The following DENND1A variants were observed in gnomAD, a reference collection of about 807,000 sequenced individuals.
DENND1A encodes DENN domain-containing protein 1A.
Under a neutral mutation model 113.7 loss-of-function variants are expected in DENND1A, and 51 were observed. The observed-to-expected ratio is 0.45, with a 90% CI of 0.36 to 0.57. The LOEUF is 0.57. Ranked by LOEUF, DENND1A falls within the 20% of genes least tolerant of loss-of-function variation. The probability of loss-of-function intolerance (pLI) is 0.00; values close to 1 mark genes in which losing one functional copy is unlikely to be tolerated. For missense variants in DENND1A, 1,258 were observed against 1,395.9 expected (o/e 0.90, Z 1.57); for synonymous variants, 565 against 570.8 (o/e 0.99, Z 0.14).
intron 2 of DENND1A, among the ~76,000 whole-genome samples, chr9:123,819,399 C>G (rs879728542): frequency 4.6e-5 from 7 of 152,224 alleles, no homozygotes; most frequent in Non-Finnish European, 8.8e-5. Flanking sequence ...TGTGATAGCC[C>G]TTGCCACTGA....
rs140577609 is a variant in DENND1A at position 123,639,735 on chromosome 9, C to T, written c.619-9259G>A. 1.3e-3 allele frequency among the ~76,000 whole-genome samples: 201 copies of T among 150,600 alleles called. 1 individual carries two copies. Among genetic ancestry groups the T allele is most frequent in the African/African-American group, 4.7e-3 (192 of 41,086 alleles). On this transcript the variant is annotated intron_variant, in intron 9 of 23. Coordinates refer to ENST00000394215, the MANE Select transcript of DENND1A (RefSeq NM_001352964.2). ...GAGGTTGTGGTGAGCCAAGATCTCGCCACTGCACTCTAGCCTGGGCAACAA... is the reference window on the plus strand; with the variant it reads ...GAGGTTGTGGTGAGCCAAGATCTCGTCACTGCACTCTAGCCTGGGCAACAA...
intron 5 of DENND1A, among the ~76,000 whole-genome samples, chr9:123,686,194 T>C (rs1302830330): frequency 1.3e-5 from 2 of 152,196 alleles, no homozygotes; most frequent in African/African-American, 2.4e-5. Flanking sequence ...AATATTACTC[T>C]TCATAACTCT....
intron 2 of DENND1A, among the ~76,000 whole-genome samples, chr9:123,876,397 T>A (rs1034324325): frequency 6.6e-6 from 1 of 152,200 alleles, no homozygotes; most frequent in African/African-American, 2.4e-5. Flanking sequence ...ATATCAATAT[T>A]AAATTTTCTG....
intron 21 of DENND1A, among the ~76,000 whole-genome samples, chr9:123,395,021 G>A (rs1355931523): frequency 2.6e-5 from 4 of 152,206 alleles, no homozygotes; most frequent in Non-Finnish European, 4.4e-5. Context: ...CCCAGGCTGC[G>A]AAGATTTTTT....
At chr9:123,901,305 G>T (rs1406907651) in intron 1 of DENND1A, among the ~76,000 whole-genome samples, 1 of 152,182 alleles carries the variant, frequency 6.6e-6, no homozygotes, top group African/African-American at 2.4e-5. Flanking sequence ...ATGAGTGCAT[G>T]AAGCAACAAG....
intron 2 of DENND1A, among the ~76,000 whole-genome samples, chr9:123,819,509 T>C (rs1035816865): frequency 2.6e-5 from 4 of 152,170 alleles, no homozygotes; most frequent in African/African-American, 4.8e-5. Flanking sequence ...TCTTAAAGAC[T>C]GGGATTAAAA....
At chr9:123,462,190 GTAAGACAAAGGCAATAATCATAGTT>G (rs1389263521) in intron 13 of DENND1A, among the ~76,000 whole-genome samples, 1 of 152,228 alleles carries the variant, frequency 6.6e-6, no homozygotes, top group African/African-American at 2.4e-5. Context: ...AACTCACCTT[GTAAGACAAAGGCAATAATCATAGTT>G]TAACTCTCTG....
intron 20 of DENND1A, among the ~76,000 whole-genome samples, chr9:123,407,077 A>T (rs751704029): frequency 1.1e-4 from 16 of 149,822 alleles, no homozygotes; most frequent in Admixed American, 7.9e-4. Context: ...AGCGCCAACA[A>T]ACAAAAGGAA....
intron 13 of DENND1A, among the ~76,000 whole-genome samples, chr9:123,492,331 A>G (rs1167814632): frequency 6.6e-6 from 1 of 152,214 alleles, no homozygotes; most frequent in East Asian, 1.9e-4. Flanking sequence ...ACAGAGGACC[A>G]GAGAGGGAGG....
At chr9:123,663,710 T>G (rs1316516231) in intron 8 of DENND1A, among the ~76,000 whole-genome samples, 2 of 152,144 alleles carry the variant, frequency 1.3e-5, no homozygotes, top group Non-Finnish European at 2.9e-5. Context: ...GTATCAGTAT[T>G]AATCTTTTAC....
chr9:123,721,778 G>A (rs1389524358), intron 5 of DENND1A, among the ~76,000 whole-genome samples: 1 of 152,134 alleles, frequency 6.6e-6, no homozygotes, highest in South Asian at 2.1e-4. Flanking sequence ...CACCATGATT[G>A]TGAGGCCTCC....
intron 21 of DENND1A, among the ~76,000 whole-genome samples, chr9:123,391,239 A>C (rs1263908692): frequency 6.6e-6 from 1 of 152,230 alleles, no homozygotes; most frequent in Non-Finnish European, 1.5e-5. Flanking sequence ...CAGGAGGCCT[A>C]GCTGTCTCCA....
chr9:123,606,532 G>A (rs1427359254), intron 11 of DENND1A, among the ~76,000 whole-genome samples: 1 of 152,168 alleles, frequency 6.6e-6, no homozygotes, highest in African/African-American at 2.4e-5. Flanking sequence ...TACACTGCAT[G>A]TTTTACTACA....
At chr9:123,680,042 C>A (rs1182400598) in intron 5 of DENND1A, among the ~76,000 whole-genome samples, 1 of 152,084 alleles carries the variant, frequency 6.6e-6, no homozygotes, top group Non-Finnish European at 1.5e-5. Flanking sequence ...AGAGACACAC[C>A]CACAACAGAG....
intron 6 of DENND1A, among the ~76,000 whole-genome samples, chr9:123,674,134 C>T (rs1303247909): frequency 1.3e-5 from 2 of 152,128 alleles, no homozygotes; most frequent in Non-Finnish European, 2.9e-5. Context: ...ATCCTTCTCT[C>T]CCTCAGGCTC....
At chr9:123,568,494 A>C (rs1438868778) in intron 12 of DENND1A, among the ~76,000 whole-genome samples, 1 of 152,246 alleles carries the variant, frequency 6.6e-6, no homozygotes, top group Non-Finnish European at 1.5e-5. Flanking sequence ...TAGCATCGAA[A>C]AGAATCATGG....
intron 2 of DENND1A, among the ~76,000 whole-genome samples, chr9:123,832,775 T>C (rs529574858): frequency 3.9e-5 from 6 of 152,278 alleles, no homozygotes; most frequent in Admixed American, 2.0e-4. Context: ...CACTCATGAC[T>C]CCATCTATAT....
chr9:123,626,798 C>T (rs1361645485), intron 10 of DENND1A, among the ~76,000 whole-genome samples: 6 of 152,010 alleles, frequency 3.9e-5, no homozygotes, highest in Non-Finnish European at 7.4e-5. Flanking sequence ...GCAGGAGAGG[C>T]GGGAGGCAGC....
intron 10 of DENND1A, among the ~76,000 whole-genome samples, chr9:123,611,830 T>C (rs2060431767): frequency 6.6e-6 from 1 of 152,126 alleles, no homozygotes; most frequent in African/African-American, 2.4e-5. Flanking sequence ...CACCCTTTTG[T>C]CCTACAATAA....
Sources: gnomAD v4.1 joint callset for allele counts (sites outside exome capture counted in the v4.1 genomes callset) on GRCh38, gnomAD v4.1.1 for gene constraint, MANE v1.5 for transcripts, NCBI Gene and HGNC (gene_info 2026-07-23, HGNC 2026-07-21) for gene names.